Variants in PREPL observed in about 807,000 individuals in gnomAD.
PREPL encodes prolyl endopeptidase like.
In PREPL, 77 loss-of-function variants were observed where a neutral mutation model predicts 70.6. The ratio of observed to expected loss-of-function variants is 1.09; its 90% CI spans 0.91 to 1.32. The LOEUF is 1.32. Among genes scored for constraint, PREPL ranks in the 40% most tolerant of loss-of-function variants. The pLI, the probability that PREPL is intolerant of heterozygous loss-of-function variation, is 0.00. For synonymous variants in PREPL, 315 were observed against 264.8 expected, an observed-to-expected ratio of 1.19 and a Z score of -1.84; for missense variants, 1,002 against 778.2, an observed-to-expected ratio of 1.29 and a Z score of -3.42.
intron 1 of PREPL, chr2:44,356,167 A>T (rs1284096652): frequency 6.6e-6 from 1 of 152,218 alleles, no homozygotes; most frequent in Non-Finnish European, 1.5e-5. Context: ...ACACTTGATC[A>T]TCAAACATTT....
In PREPL at chr2:44,338,387, C is replaced by T. The variant is rs1319728552; in HGVS notation, c.852G>A (p.Val284=). 4.3e-6 allele frequency: 7 copies of T among 1,612,824 alleles called. No individual in the cohort carries two copies. Among genetic ancestry groups the T allele is most frequent in the Non-Finnish European group, 5.1e-6 (6 of 1,179,778 alleles). ...LKHSNLLYVN[V]IGLADDSVRS... Reference sequence around the variant, plus strand: ...GAACTGAATCATCAGCCAGACCAATCACATTAACATAAAGGAGATTGCTGT... The same window carrying T: ...GAACTGAATCATCAGCCAGACCAATTACATTAACATAAAGGAGATTGCTGT... Residue 284 remains valine, a synonymous_variant, in exon 7 of 14, where the codon GTG becomes GTA. Transcript: ENST00000409411.
chr2:44,317,767 A>G lies in PREPL; in HGVS notation c.*3589T>C, dbSNP rs1672549086. The G allele has an allele frequency of 6.5e-6, 1 of 152,830 alleles. No individual in the cohort carries two copies. The highest frequency in any genetic ancestry group is 2.4e-5 in the African/African-American group (1 of 41,462). 9.5% of individuals were successfully genotyped at this position (152,830 alleles called of 1,614,324 possible). A position where few individuals can be genotyped will look rare whatever the true frequency, so the allele number is the denominator to read the frequency against. Reference sequence around the variant, plus strand: ...CAGTCAATCCAACAAAAAGCTTAATAGAAAAAAACCCTAAACAATAGTATA... The same window carrying G: ...CAGTCAATCCAACAAAAAGCTTAATGGAAAAAAACCCTAAACAATAGTATA... On this transcript the variant is annotated 3_prime_UTR_variant, in exon 14 of 14. Transcript: ENST00000409411.
intron 1 of PREPL, among the ~76,000 whole-genome samples, chr2:44,359,286 T>A (rs2104265068): frequency 6.6e-6 from 1 of 152,208 alleles, no homozygotes; most frequent in East Asian, 1.9e-4. Context: ...CAGGCTGGTC[T>A]CGAACTCCTG....
At chr2:44,355,189 A>T (rs1676890607) in intron 1 of PREPL, among the ~76,000 whole-genome samples, 1 of 152,202 alleles carries the variant, frequency 6.6e-6, no homozygotes, top group Admixed American at 6.5e-5. Context: ...TTTGGATTTT[A>T]GAATCCAAAG....
intron 1 of PREPL, among the ~76,000 whole-genome samples, chr2:44,355,649 T>G (rs1009873160): frequency 6.6e-6 from 1 of 152,080 alleles, no homozygotes; most frequent in Non-Finnish European, 1.5e-5. Flanking sequence ...TCAGAGTGAT[T>G]CTTCTAAAAT....
At chr2:44,345,055 T>C (rs1488415499) in intron 2 of PREPL, among the ~76,000 whole-genome samples, 1 of 152,200 alleles carries the variant, frequency 6.6e-6, no homozygotes, top group African/African-American at 2.4e-5. Context: ...CACCAACAAC[T>C]ATACACAGTC....
intron 1 of PREPL, among the ~76,000 whole-genome samples, chr2:44,357,342 G>A (rs1485598744): frequency 6.6e-6 from 1 of 152,198 alleles, no homozygotes; most frequent in Non-Finnish European, 1.5e-5. Flanking sequence ...GGAAATCAGT[G>A]GATGCTTGCT....
chr2:44,327,534 G>T (rs184505442), intron 9 of PREPL, among the ~76,000 whole-genome samples: 2 of 152,252 alleles, frequency 1.3e-5, no homozygotes. Flanking sequence ...ATGTATAAGG[G>T]CAAGGAGGTG....
intron 8 of PREPL, among the ~76,000 whole-genome samples, chr2:44,330,056 A>G (rs1673934737): frequency 6.6e-6 from 1 of 152,194 alleles, no homozygotes; most frequent in Non-Finnish European, 1.5e-5. Flanking sequence ...TTCTCCTCTC[A>G]TTCTTCTTTA....
rs750380463 is a variant in PREPL at position 44,344,520 on chromosome 2, C to CTT, written c.140_141dup (p.Ala48LysfsTer18). ...CGTAAAAAGAAAAATTGTGGTGTAC[C>CTT]TTCTTCATCTTTGGAACGAACCAAG... On this transcript the variant is annotated frameshift_variant and splice_region_variant, in exon 3 of 14. Transcript: ENST00000409411. LOFTEE classifies it high-confidence loss of function. The CTT allele has an allele frequency of 2.5e-6, 4 of 1,582,050 alleles. No individual in the cohort carries two copies. The African/African-American group carries it at 5.4e-5, about 21-fold the overall frequency.
chr2:44,339,373 G>C lies in PREPL; in HGVS notation c.486-10C>G. ...AAGGAAAACAAAGTAGCTAGAGAGA[G>C]AGAGAGAGACATGAGATCACAGTTT... On this transcript the variant is annotated splice_polypyrimidine_tract_variant and intron_variant, in intron 5 of 13. Transcript: ENST00000409411. The C allele has an allele frequency of 6.2e-7, 1 of 1,612,546 alleles. No homozygotes were observed. Among genetic ancestry groups the C allele is most frequent in the African/African-American group, 1.3e-5 (1 of 74,964 alleles).
chr2:44,350,096 C>G, intron 1 of PREPL, among the ~76,000 whole-genome samples: 2 of 152,014 alleles, frequency 1.3e-5, no homozygotes, highest in Middle Eastern at 6.9e-3. Context: ...TTTTATTAGG[C>G]TAATATAACC....
Position 44,333,961 on chromosome 2 carries a change from G to T in PREPL, c.889-1305C>A, listed in dbSNP as rs141499250. On this transcript the variant is annotated intron_variant, in intron 7 of 13. Coordinates refer to ENST00000409411, the MANE Select transcript of PREPL (RefSeq NM_001171613.2). ...TGAGACTTCAGGACAGTCTCTATGT[G>T]ACCCACGCAGTAAGCTGTCTTAGCT... Among the ~76,000 whole-genome samples, 1,374 of 152,266 alleles carry T rather than the reference G, an allele frequency of 9.0e-3. 24 individuals carry two copies. Among genetic ancestry groups the T allele is most frequent in the South Asian group, 0.082 (396 of 4,822 alleles).
intron 8 of PREPL, among the ~76,000 whole-genome samples, chr2:44,330,991 G>A (rs1674027868): frequency 6.6e-6 from 1 of 152,110 alleles, no homozygotes; most frequent in South Asian, 2.1e-4. Context: ...CACACAGGCT[G>A]GAATGCAATG....
chr2:44,351,726 T>C (rs1476584951), intron 1 of PREPL, among the ~76,000 whole-genome samples: 6 of 152,234 alleles, frequency 3.9e-5, no homozygotes, highest in Admixed American at 3.9e-4. Flanking sequence ...ACTGGACTAC[T>C]TGGCTAGTAT....
At chr2:44,329,151 T>A (rs769217727) in intron 8 of PREPL, 39 bp from the exon 9 acceptor site, 1 of 1,500,822 alleles carries the variant, frequency 6.7e-7, no homozygotes, top group Admixed American at 1.8e-5. Flanking sequence ...AAGAAGAGTC[T>A]TTTATAATAA....
Position 44,342,322 on chromosome 2 carries a change from A to G in PREPL, c.485+95T>C. 5.1e-6 allele frequency: 6 copies of G among 1,177,348 alleles called. No individual in the cohort carries two copies. The South Asian group carries it at 1.1e-4, about 21-fold the overall frequency. The allele number at this position is 1,177,348 out of a possible 1,614,324, so 72.9% of individuals were successfully genotyped here. A position where few individuals can be genotyped will look rare whatever the true frequency, so the allele number is the denominator to read the frequency against. ...TTTTAGCCTTATTATTCCTGGTTCC[A>G]ACCAAAATAAACGTTTTAAGTCAAC... On this transcript the variant is annotated intron_variant, in intron 5 of 13. Coordinates refer to ENST00000409411, the MANE Select transcript of PREPL (RefSeq NM_001171613.2).
At chr2:44,356,809 TA>T (rs1677093468) in intron 1 of PREPL, among the ~76,000 whole-genome samples, 1 of 51,072 alleles carries the variant, frequency 2.0e-5, no homozygotes, top group South Asian at 6.4e-4. Context: ...TGAAACTCCC[TA>T]TTTTTTTTTT....
intron 1 of PREPL, among the ~76,000 whole-genome samples, chr2:44,349,397 G>A (rs143078209): frequency 9.8e-4 from 149 of 152,110 alleles, no homozygotes; most frequent in African/African-American, 3.5e-3. Context: ...GTTTCTACAG[G>A]CCACATTTTG....
Sources: allele counts gnomAD v4.1 joint callset (sites outside exome capture counted in the v4.1 genomes callset), GRCh38; gene constraint gnomAD v4.1.1; transcripts MANE v1.5; gene names NCBI Gene and HGNC (gene_info 2026-07-23, HGNC 2026-07-21).